ZMYM2: variants seen among roughly 807,000 people sequenced by gnomAD.
ZMYM2 encodes the protein zinc finger MYM-type protein 2.
A neutral mutation model predicts 162.8 loss-of-function variants in ZMYM2; 56 were observed. That is an observed-to-expected ratio of 0.34 (90% CI 0.28 to 0.43). The LOEUF is 0.43. ZMYM2 is among the 20% of genes least tolerant of loss of function. ZMYM2 has a pLI of 1.00. For missense variants in ZMYM2, 1,275 were observed against 1,621.8 expected, an observed-to-expected ratio of 0.79 and a Z score of 3.67; for synonymous variants, 510 against 541.6, an observed-to-expected ratio of 0.94 and a Z score of 0.81.
chr13:19,956,875 A>G (rs1954546245), upstream of ZMYM2, among the ~76,000 whole-genome samples: 1 of 152,232 alleles, frequency 6.6e-6, no homozygotes, highest in Non-Finnish European at 1.5e-5. Context: ...ATTTGGTAGT[A>G]GAGGATGTTT....
intron 10 of ZMYM2, among the ~76,000 whole-genome samples, chr13:20,033,593 T>C (rs969998648): frequency 3.3e-5 from 5 of 152,254 alleles, no homozygotes; most frequent in African/African-American, 9.6e-5. Context: ...AGACTTAGTC[T>C]GTAGCCTGCT....
chr13:19,905,156 C>T, the ZMYM2 span, among the ~76,000 whole-genome samples: 1 of 151,932 alleles, frequency 6.6e-6, no homozygotes, highest in Non-Finnish European at 1.5e-5. Context: ...AGACTACAGT[C>T]ATGCACCACC....
At position 20,019,552 on chromosome 13, in the gene ZMYM2, T is replaced by A; in HGVS notation, c.1518T>A (p.Gly506=). Residue 506 remains glycine (G), a synonymous_variant, in exon 7 of 25, where the codon GGT becomes GGA. Transcript: ENST00000610343. The part of the protein sequence containing the change: ...QSCVSEYKQV[G]SHPSFLKEVR... ...CTTTTAAAATCTTTTTTTAGGTAGGTAGCCATCCAAGCTTCCTGAAGGAGG... is the reference window on the plus strand; with the variant it reads ...CTTTTAAAATCTTTTTTTAGGTAGGAAGCCATCCAAGCTTCCTGAAGGAGG... 1.3e-6 allele frequency: 2 copies of A among 1,585,640 alleles called. No homozygotes were observed. The highest frequency in any genetic ancestry group is 2.3e-5 in the East Asian group (1 of 44,062).
At chr13:20,078,145 C>G (rs1024759552) in intron 21 of ZMYM2, among the ~76,000 whole-genome samples, 1 of 151,876 alleles carries the variant, frequency 6.6e-6, no homozygotes, top group Non-Finnish European at 1.5e-5. Flanking sequence ...AAAGATGATA[C>G]TTGAAATTTT....
intron 3 of ZMYM2, among the ~76,000 whole-genome samples, chr13:19,998,680 C>T (rs1249702420): frequency 6.6e-6 from 1 of 152,036 alleles, no homozygotes; most frequent in Non-Finnish European, 1.5e-5. Context: ...TTGGTGTGTT[C>T]TTGTTTTTGT....
chr13:19,971,116 C>T lies in ZMYM2; in HGVS notation c.-11+11090C>T, dbSNP rs532878924. ...GATTGTAGGTAGGGATCAAAGCAGA[C>T]GGAAATATTACATACAGGTAAGGGG... On this transcript the variant is annotated intron_variant, in intron 2 of 24. Coordinates refer to ENST00000610343, the MANE Select transcript of ZMYM2 (RefSeq NM_197968.4). 2.0e-5 allele frequency among the ~76,000 whole-genome samples: 3 copies of T among 151,328 alleles called. No homozygotes were observed. The Admixed American group carries it at 2.0e-4, about 10-fold the overall frequency.
At chr13:19,925,047 G>C in the ZMYM2 span, among the ~76,000 whole-genome samples, 6 of 152,012 alleles carry the variant, frequency 3.9e-5, no homozygotes, top group Non-Finnish European at 8.8e-5. Flanking sequence ...ACCACACCAG[G>C]CTAATTTTGT....
chr13:19,944,285 A>C, the ZMYM2 span, among the ~76,000 whole-genome samples: 1 of 152,214 alleles, frequency 6.6e-6, no homozygotes, highest in East Asian at 1.9e-4. Context: ...GTTAATGTGA[A>C]AATAACCTCT....
intron 13 of ZMYM2, 104 bp from the exon 14 acceptor site, chr13:20,052,168 ATTTTC>A: frequency 1.1e-6 from 1 of 887,232 alleles, no homozygotes; most frequent in Non-Finnish European, 1.7e-6. Flanking sequence ...AGTCTAAAAT[ATTTTC>A]TTTAGTCACA....
intron 23 of ZMYM2, 85 bp from the exon 24 acceptor site, chr13:20,083,571 C>A (rs185716713): frequency 2.7e-5 from 29 of 1,086,284 alleles, no homozygotes; most frequent in Non-Finnish European, 3.5e-5. Context: ...TGGTCCTATT[C>A]TTTGGTATAA....
intron 9 of ZMYM2, among the ~76,000 whole-genome samples, chr13:20,030,317 G>A (rs1323375501): frequency 3.1e-5 from 4 of 128,482 alleles, no homozygotes; most frequent in African/African-American, 5.9e-5. Flanking sequence ...TGCAACCTCC[G>A]CCTCCTGGGT....
At chr13:20,062,736 AT>A (rs1349364495) in intron 17 of ZMYM2, 109 bp from the exon 18 acceptor site, 8 of 1,145,054 alleles carry the variant, frequency 7.0e-6, no homozygotes, top group Middle Eastern at 2.4e-4. Flanking sequence ...CATTATACGT[AT>A]TTTTTTATAT....
In ZMYM2 at chr13:20,088,608, A is replaced by G. The variant is rs562000764; in HGVS notation, c.*2594A>G. 1.1e-4 allele frequency: 22 copies of G among 194,864 alleles called. No individual in the cohort carries two copies. The highest frequency in any genetic ancestry group is 2.2e-4 in the Non-Finnish European group (21 of 93,520). The allele number at this position is 194,864 out of a possible 1,614,324, so 12.1% of individuals were successfully genotyped here. On this transcript the variant is annotated 3_prime_UTR_variant, in exon 25 of 25. Transcript: ENST00000610343. ...AACATAGATATTAAAGGATTTTTCTAGGCAAGAAGCTCAACTTTTTTTTTC... is the reference window on the plus strand; with the variant it reads ...AACATAGATATTAAAGGATTTTTCTGGGCAAGAAGCTCAACTTTTTTTTTC...
chr13:20,064,582 C>T (rs1481203370), intron 19 of ZMYM2, 37 bp downstream of exon 19: 2 of 1,463,176 alleles, frequency 1.4e-6, no homozygotes, highest in Non-Finnish European at 1.8e-6. Context: ...CAATATTTCT[C>T]TATAGGCAAA....
chr13:19,973,195 C>T (rs1956476064), intron 2 of ZMYM2, among the ~76,000 whole-genome samples: 1 of 151,874 alleles, frequency 6.6e-6, no homozygotes, highest in Non-Finnish European at 1.5e-5. Flanking sequence ...CCTCAGCCTC[C>T]CAAAGTGCTG....
intron 6 of ZMYM2, among the ~76,000 whole-genome samples, chr13:20,009,121 A>G (rs1272239544): frequency 6.6e-6 from 1 of 152,212 alleles, no homozygotes; most frequent in Non-Finnish European, 1.5e-5. Flanking sequence ...AAAATCAGTC[A>G]TAAGAACCAG....
At chr13:20,032,817 C>T (rs896329229) in intron 10 of ZMYM2, among the ~76,000 whole-genome samples, 4 of 151,884 alleles carry the variant, frequency 2.6e-5, no homozygotes, top group Non-Finnish European at 5.9e-5. Flanking sequence ...CCATGTTGGC[C>T]AGGCTGGTCT....
chr13:20,061,163 G>A lies in ZMYM2; in HGVS notation c.2850G>A (p.Leu950=). The A allele has an allele frequency of 6.2e-7, 1 of 1,613,734 alleles. No individual in the cohort carries two copies. Among genetic ancestry groups the A allele is most frequent in the East Asian group, 2.2e-5 (1 of 44,860 alleles). The change falls in exon 17 of 25, where the codon TTG becomes TTA. Residue 950 remains leucine, a synonymous_variant. Coordinates refer to ENST00000610343, the MANE Select transcript of ZMYM2 (RefSeq NM_197968.4). ...KVSSDALDTE[L]LTMTDMMSED... ...CTTCAGATGCTCTTGATACAGAGTTGCTTACAATGACGGATATGATGAGTG... is the reference window on the plus strand; with the variant it reads ...CTTCAGATGCTCTTGATACAGAGTTACTTACAATGACGGATATGATGAGTG...
chr13:19,966,220 C>A (rs1175188026), intron 2 of ZMYM2, among the ~76,000 whole-genome samples: 1 of 151,434 alleles, frequency 6.6e-6, no homozygotes, highest in African/African-American at 2.4e-5. Flanking sequence ...ACGCAACCTC[C>A]GCCTCCCGGG....
Sources: gnomAD v4.1 joint callset for allele counts (sites outside exome capture counted in the v4.1 genomes callset) on GRCh38, gnomAD v4.1.1 for gene constraint, MANE v1.5 for transcripts, NCBI Gene and HGNC (gene_info 2026-07-23, HGNC 2026-07-21) for gene names.